QSOX2: variants seen among roughly 807,000 people sequenced by gnomAD.
QSOX2 encodes quiescin sulfhydryl oxidase 2.
A neutral mutation model predicts 61.7 loss-of-function variants in QSOX2; 46 were observed. That is an observed-to-expected ratio of 0.75 (90% CI 0.59 to 0.95). The LOEUF is 0.95. Ranked by LOEUF, QSOX2 falls within the 40% of genes least tolerant of loss-of-function variation. The pLI is 0.00. For synonymous variants in QSOX2, 383 were observed against 388.4 expected (o/e 0.99, Z 0.16); for missense variants, 879 against 918.9 (o/e 0.96, Z 0.56).
At position 136,221,560 on chromosome 9, in the gene QSOX2, C is replaced by A. The variant is rs530313734; in HGVS notation, c.821+236G>T. 6.6e-6 allele frequency among the ~76,000 whole-genome samples: 1 copy of A among 152,224 alleles called. No individual in the cohort carries two copies. Among genetic ancestry groups the A allele is most frequent in the Non-Finnish European group, 1.5e-5 (1 of 68,034 alleles). On this transcript the variant is annotated intron_variant, in intron 6 of 11. Coordinates refer to ENST00000358701, the MANE Select transcript of QSOX2 (RefSeq NM_181701.4). This position sits in a 1 kb window ranked among gnomAD's most constrained non-coding sequence, Gnocchi z 4.5. ...CTCTGCGACTCTTGGTAAGTCACCACGCCAGGCTCCTCCTAGGTGCGGGGA... is the reference window on the plus strand; with the variant it reads ...CTCTGCGACTCTTGGTAAGTCACCAAGCCAGGCTCCTCCTAGGTGCGGGGA...
In QSOX2 at chr9:136,244,483, G is replaced by A. The variant is rs577242024; in HGVS notation, c.328+993C>T. On this transcript the variant is annotated intron_variant, in intron 1 of 11. Coordinates refer to ENST00000358701, the MANE Select transcript of QSOX2 (RefSeq NM_181701.4). ...AAAAATACAGCAGGATTGGGTGTAA[G>A]GCATAAAAACAAAGGTGCAGGAAGA... 1.2e-4 allele frequency among the ~76,000 whole-genome samples: 18 copies of A among 152,326 alleles called. No individual in the cohort carries two copies. The East Asian group carries it at 3.1e-3, about 26-fold the overall frequency.
intron 3 of QSOX2, among the ~76,000 whole-genome samples, chr9:136,224,552 TG>T (rs1283249699): frequency 6.6e-6 from 1 of 152,110 alleles, no homozygotes; most frequent in Non-Finnish European, 1.5e-5. Context: ...CTCGGCTGGG[TG>T]GGATCATTTG....
intron 10 of QSOX2, 62 bp downstream of exon 10, chr9:136,215,092 C>T: frequency 6.3e-7 from 1 of 1,575,216 alleles, no homozygotes; most frequent in South Asian, 1.2e-5. Context: ...TTTGCACACA[C>T]CGGCTGGGTT....
intron 1 of QSOX2, among the ~76,000 whole-genome samples, chr9:136,233,181 C>A (rs1482345842): frequency 6.6e-6 from 1 of 152,182 alleles, no homozygotes; most frequent in African/African-American, 2.4e-5. Context: ...ACAAGAAAGA[C>A]AAACAGCAGC....
chr9:136,212,456 T>C (rs917015343), intron 10 of QSOX2, among the ~76,000 whole-genome samples: 3 of 152,260 alleles, frequency 2.0e-5, no homozygotes, highest in Non-Finnish European at 4.4e-5. Flanking sequence ...CACAGCTGCG[T>C]GCAGGCCCTG....
chr9:136,229,364 G>C (rs1830310405), intron 1 of QSOX2, among the ~76,000 whole-genome samples: 1 of 152,248 alleles, frequency 6.6e-6, no homozygotes, highest in Admixed American at 6.5e-5. Context: ...GGCAGCTCAC[G>C]GGCGGACCCC....
At position 136,209,892 on chromosome 9, in the gene QSOX2, G is replaced by A. The variant is rs1454023742; in HGVS notation, c.1550-617C>T. On this transcript the variant is annotated intron_variant, in intron 11 of 11. Coordinates refer to ENST00000358701, the MANE Select transcript of QSOX2 (RefSeq NM_181701.4). This position sits in a 1 kb window ranked among gnomAD's most constrained non-coding sequence, Gnocchi z 5.6. ...TGAAGTGACATGTGCTCACTTCCAG[G>A]CCCAACAGGCATCCGTCATGCAGAA... The A allele has an allele frequency of 3.0e-6, 3 of 985,376 alleles. No homozygotes were observed. The highest frequency in any genetic ancestry group is 3.6e-6 in the Non-Finnish European group (3 of 829,918). The allele number at this position is 985,376 out of a possible 1,614,324, so 61.0% of individuals were successfully genotyped here. A position where few individuals can be genotyped will look rare whatever the true frequency, so the allele number is the denominator to read the frequency against.
Position 136,211,292 on chromosome 9 carries a change from C to G in QSOX2, c.1521G>C (p.Lys507Asn), listed in dbSNP as rs1564289035. The change falls in exon 11 of 12, where the codon AAG (lysine) becomes AAC (asparagine). Residue 507 changes from lysine (K) to asparagine (N), a missense_variant. Transcript: ENST00000358701. ...PDQAILWLWK[K>N]HNMVNGRLAG... ...CCAGGCGGCCGTTCACCATATTATG[C>G]TTCTTCCACAGCCAGAGGATGGCTT... 5.0e-6 allele frequency: 8 copies of G among 1,614,226 alleles called. No individual in the cohort carries two copies. The highest frequency in any genetic ancestry group is 6.8e-6 in the Non-Finnish European group (8 of 1,180,028).
chr9:136,224,992 T>C, intron 2 of QSOX2, 83 bp from the exon 3 acceptor site: 1 of 922,590 alleles, frequency 1.1e-6, no homozygotes, highest in Non-Finnish European at 1.7e-6. Context: ...GCCCGTCACC[T>C]TAGAGGGAGC....
intron 6 of QSOX2, among the ~76,000 whole-genome samples, chr9:136,220,287 T>G (rs1424711772): frequency 1.3e-5 from 2 of 152,230 alleles, no homozygotes; most frequent in Non-Finnish European, 2.9e-5. Context: ...TCTCAGCCTC[T>G]GAAAGTGCTG....
intron 8 of QSOX2, among the ~76,000 whole-genome samples, chr9:136,218,321 C>G (rs1831937494): frequency 6.6e-6 from 1 of 152,210 alleles, no homozygotes; most frequent in Admixed American, 6.5e-5. Flanking sequence ...CTCTCTCTCT[C>G]CCCCCAGCCC....
At chr9:136,226,933 G>A in intron 1 of QSOX2, 59 bp from the exon 2 acceptor site, 1 of 1,473,920 alleles carries the variant, frequency 6.8e-7, no homozygotes, top group East Asian at 2.3e-5. Flanking sequence ...GGAAGCCCAG[G>A]ACCCAGCAGT....
Position 136,226,783 on chromosome 9 carries a change from G to C in QSOX2, c.420C>G (p.Pro140=), listed in dbSNP as rs969927177. The C allele has an allele frequency of 2.5e-6, 4 of 1,613,400 alleles. No individual in the cohort carries two copies. Among genetic ancestry groups the C allele is most frequent in the Non-Finnish European group, 3.4e-6 (4 of 1,179,394 alleles). ...GCCGCGTGATACTCACCCGGAAGGTGGGGTAGAAGTGGATGTCGTAGTCAT... is the reference window on the plus strand; with the variant it reads ...GCCGCGTGATACTCACCCGGAAGGTCGGGTAGAAGTGGATGTCGTAGTCAT... ...VCHDYDIHFY[P]TFRYFKAFTK... The change falls in exon 2 of 12, where the codon CCC becomes CCG. Residue 140 remains proline (P), a synonymous_variant. Coordinates refer to ENST00000358701, the MANE Select transcript of QSOX2 (RefSeq NM_181701.4).
In QSOX2 at chr9:136,209,391, C is replaced by A; in HGVS notation, c.1550-116G>T. 6.6e-7 allele frequency: 1 copy of A among 1,516,882 alleles called. No homozygotes were observed. Among genetic ancestry groups the A allele is most frequent in the Admixed American group, 2.2e-5 (1 of 46,388 alleles). The allele number at this position is 1,516,882 out of a possible 1,614,324, so 94.0% of individuals were successfully genotyped here. A position where few individuals can be genotyped will look rare whatever the true frequency, so the allele number is the denominator to read the frequency against. ...ACCACGGGCCTCCACTGCCCTGGCC[C>A]AGGGTCCTGCCAGGCCTCCCTCCCT... On this transcript the variant is annotated intron_variant, in intron 11 of 11. Transcript: ENST00000358701. The surrounding 1 kb of genome is among the most constrained non-coding windows in gnomAD (Gnocchi z 5.6).
intron 1 of QSOX2, among the ~76,000 whole-genome samples, chr9:136,227,791 A>G (rs1441503487): frequency 6.6e-6 from 1 of 152,108 alleles, no homozygotes; most frequent in Non-Finnish European, 1.5e-5. Flanking sequence ...CCTGGGCAAC[A>G]TGGTAAAACC....
chr9:136,237,122 C>A (rs967374899), intron 1 of QSOX2, among the ~76,000 whole-genome samples: 1 of 140,490 alleles, frequency 7.1e-6, no homozygotes, highest in African/African-American at 2.7e-5. Context: ...ACACCTGGAG[C>A]CCATCCTGGG....
intron 1 of QSOX2, among the ~76,000 whole-genome samples, chr9:136,239,229 C>T (rs1295214969): frequency 1.3e-5 from 2 of 152,226 alleles, no homozygotes; most frequent in Non-Finnish European, 2.9e-5. Flanking sequence ...GTCACCCAGG[C>T]TGGAGTACAG....
chr9:136,208,648 A>G lies in QSOX2; in HGVS notation c.*80T>C. 6.8e-7 allele frequency: 1 copy of G among 1,470,104 alleles called. No individual in the cohort carries two copies. The highest frequency in any genetic ancestry group is 2.3e-5 in the East Asian group (1 of 42,830). The allele number at this position is 1,470,104 out of a possible 1,614,324, so 91.1% of individuals were successfully genotyped here. ...CCGCATGTTTATAAAATCCCTGATC[A>G]TAAATATTAAAGCTGCAGGTGGCAC... On this transcript the variant is annotated 3_prime_UTR_variant, in exon 12 of 12. Transcript: ENST00000358701.
intron 6 of QSOX2, among the ~76,000 whole-genome samples, chr9:136,220,735 G>C (rs575689833): frequency 2.0e-5 from 3 of 151,846 alleles, no homozygotes; most frequent in South Asian, 4.2e-4. Context: ...TTTTGAGATG[G>C]AGTCTGACTC....
Sources: gnomAD v4.1 joint callset for allele counts (sites outside exome capture counted in the v4.1 genomes callset) on GRCh38, gnomAD v4.1.1 for gene constraint, Gnocchi (gnomAD v3.1) non-coding constraint, MANE v1.5 for transcripts, NCBI Gene and HGNC (gene_info 2026-07-23, HGNC 2026-07-21) for gene names.